The following DOCK8 variants were observed in gnomAD, a reference collection of about 807,000 sequenced individuals.
DOCK8 encodes the protein dedicator of cytokinesis 8, also known as dedicator of cytokinesis protein 8.
DOCK8 carries 141 observed loss-of-function variants against 245.6 expected under a neutral mutation model. That is an observed-to-expected ratio of 0.57 (90% CI 0.50 to 0.66). The LOEUF (loss-of-function observed/expected upper bound fraction) is 0.66. DOCK8 is among the 30% of genes least tolerant of loss of function. The pLI is 0.00. For missense variants in DOCK8, 2,965 were observed against 2,603.4 expected, an observed-to-expected ratio of 1.14 and a Z score of -3.02; for synonymous variants, 1,168 against 970.2, an observed-to-expected ratio of 1.20 and a Z score of -3.79.
At chr9:404,427 T>G (rs532700430) in intron 26 of DOCK8, among the ~76,000 whole-genome samples, 61 of 152,210 alleles carry the variant, frequency 4.0e-4, no homozygotes, top group Non-Finnish European at 7.6e-4. Context: ...GATGCCTTTC[T>G]CTAGGGAACT....
intron 24 of DOCK8, 69 bp downstream of exon 24, chr9:390,635 CA>C (rs1258334986): frequency 3.3e-6 from 5 of 1,493,864 alleles, no homozygotes; most frequent in Non-Finnish European, 3.7e-6. Flanking sequence ...AAGGAATTGA[CA>C]TTTTGTTCAC....
intron 39 of DOCK8, among the ~76,000 whole-genome samples, chr9:436,079 C>T (rs2056890695): frequency 6.6e-6 from 1 of 152,226 alleles, no homozygotes; most frequent in African/African-American, 2.4e-5. Context: ...AGTAGCTTCC[C>T]CAGGCTTAGA....
intron 17 of DOCK8, 79 bp downstream of exon 17, chr9:371,645 T>C: frequency 1.3e-6 from 2 of 1,582,324 alleles, no homozygotes; most frequent in Non-Finnish European, 1.7e-6. Flanking sequence ...ACAACCAAAT[T>C]CTATTCACTT....
chr9:402,851 C>T (rs2055176704), intron 26 of DOCK8, among the ~76,000 whole-genome samples: 2 of 152,162 alleles, frequency 1.3e-5, no homozygotes, highest in African/African-American at 4.8e-5. Context: ...ATGCACCTTA[C>T]TCCTCTTTTC....
At chr9:425,350 G>C (rs761872588) in intron 33 of DOCK8, among the ~76,000 whole-genome samples, 5 of 152,050 alleles carry the variant, frequency 3.3e-5, no homozygotes, top group Admixed American at 1.3e-4. Flanking sequence ...GGCTAACGCG[G>C]CGAAACCCCG....
chr9:243,867 T>G (rs1412346811), intron 1 of DOCK8, among the ~76,000 whole-genome samples: 1 of 152,056 alleles, frequency 6.6e-6, no homozygotes, highest in African/African-American at 2.4e-5. Flanking sequence ...TGCCTACTAC[T>G]CCTCATCTTA....
At position 271,450 on chromosome 9, in the gene DOCK8, T is replaced by G. The variant is rs148129664; in HGVS notation, c.54-177T>G. Among the ~76,000 whole-genome samples, 525 of 152,278 alleles carry G rather than the reference T, an allele frequency of 3.4e-3. 5 individuals carry two copies. The highest frequency in any genetic ancestry group is 0.012 in the African/African-American group (499 of 41,564). On this transcript the variant is annotated intron_variant, in intron 1 of 47. Transcript: ENST00000432829. ...TCTGTGAACTTCTCAAGGGTATGTA[T>G]TATCTGACAAAAACTACGATGTCCA...
At chr9:340,509 A>G (rs1053585860) in intron 14 of DOCK8, 188 bp downstream of exon 14, 1 of 678,672 alleles carries the variant, frequency 1.5e-6, no homozygotes, top group African/African-American at 1.8e-5. Context: ...TAATCCCAGC[A>G]ACTTGGCAGG....
intron 1 of DOCK8, among the ~76,000 whole-genome samples, chr9:260,500 G>A (rs1001369667): frequency 7.9e-5 from 12 of 152,086 alleles, no homozygotes; most frequent in African/African-American, 1.9e-4. Context: ...TCTTTATATC[G>A]CTGCTTAGAG....
chr9:310,967 T>C (rs1563908215), intron 5 of DOCK8, among the ~76,000 whole-genome samples: 1 of 152,086 alleles, frequency 6.6e-6, no homozygotes, highest in African/African-American at 2.4e-5. Context: ...TGTGATCATA[T>C]TAGATAGCAG....
rs7028446 is a variant in DOCK8, at chr9:377,428, T to C, written c.2440+217T>C. ...CATTAAAATAGGGTTCTTAATATTA[T>C]AGCTTTTTGTAAACTTTATTAAATG... On this transcript the variant is annotated intron_variant, in intron 20 of 47. Coordinates refer to ENST00000432829, the MANE Select transcript of DOCK8 (RefSeq NM_203447.4). 0.55 allele frequency among the ~76,000 whole-genome samples: 83,530 copies of C among 152,034 alleles called. 25,013 individuals are homozygous for C. Among genetic ancestry groups the C allele is most frequent in the East Asian group, 0.8 (4,154 of 5,178 alleles).
At chr9:256,826 C>A (rs578067951) in intron 1 of DOCK8, among the ~76,000 whole-genome samples, 4 of 149,984 alleles carry the variant, frequency 2.7e-5, no homozygotes, top group African/African-American at 1.0e-4. Context: ...CTTTTGTCTG[C>A]TTTCCTCATT....
chr9:400,953 C>CCACCTCCACCACCTCCTCCACCAT (rs2055023192), intron 26 of DOCK8, among the ~76,000 whole-genome samples: 1 of 67,980 alleles, frequency 1.5e-5, no homozygotes, highest in East Asian at 3.2e-4. Flanking sequence ...ACCATCACCA[C>CCACCTCCACCACCTCCTCCACCAT]CACCACCACC....
intron 22 of DOCK8, among the ~76,000 whole-genome samples, chr9:383,880 A>G (rs1381861642): frequency 6.6e-6 from 1 of 152,146 alleles, no homozygotes; most frequent in East Asian, 1.9e-4. Flanking sequence ...ACGGAATTAT[A>G]TACTCTATAC....
rs1368166027 is a variant in DOCK8, at chr9:371,501, A to C, written c.1942A>C (p.Thr648Pro). The change falls in exon 17 of 48, where the codon ACC becomes CCC. Residue 648 changes from threonine to proline, a missense_variant. Thr to Pro is a conservative substitution (Grantham distance 38, BLOSUM62 -1). Coordinates refer to ENST00000432829, the MANE Select transcript of DOCK8 (RefSeq NM_203447.4). The stretch of plus-strand genomic sequence containing the variant: ...CACAGTAAATCACCACCTCCTGTTC[A>C]CCTTCTACCATATCAGCTGTCAGCA... Reference protein sequence around the residue: ...KLTVNHHLLFTFYHISCQQKQ... With the variant: ...KLTVNHHLLFPFYHISCQQKQ... 6.2e-7 allele frequency: 1 copy of C among 1,614,212 alleles called. No individual in the cohort carries two copies. Among genetic ancestry groups the C allele is most frequent in the Non-Finnish European group, 8.5e-7 (1 of 1,180,022 alleles).
At chr9:232,414 A>G (rs2047137852) in intron 1 of DOCK8, among the ~76,000 whole-genome samples, 1 of 152,194 alleles carries the variant, frequency 6.6e-6, no homozygotes, top group African/African-American at 2.4e-5. Context: ...GCCTCATCAA[A>G]TGAGTTAGGG....
At chr9:377,331 T>G in intron 20 of DOCK8, 120 bp downstream of exon 20, 1 of 1,026,920 alleles carries the variant, frequency 9.7e-7, no homozygotes, top group Non-Finnish European at 1.4e-6. Flanking sequence ...ACTGATGATG[T>G]GTGCTCAAGG....
intron 33 of DOCK8, among the ~76,000 whole-genome samples, chr9:422,644 A>G (rs912838260): frequency 2.6e-5 from 4 of 152,224 alleles, no homozygotes; most frequent in Non-Finnish European, 4.4e-5. Flanking sequence ...TCTTAATGAC[A>G]TGGGGAAATG....
chr9:425,899 C>G (rs1162265979), intron 33 of DOCK8, among the ~76,000 whole-genome samples: 1 of 151,898 alleles, frequency 6.6e-6, no homozygotes, highest in Non-Finnish European at 1.5e-5. Context: ...CACAGAAGTA[C>G]TTATTTTTTG....
Sources: allele counts gnomAD v4.1 joint callset (sites outside exome capture counted in the v4.1 genomes callset), GRCh38; gene constraint gnomAD v4.1.1; transcripts MANE v1.5; gene names NCBI Gene and HGNC (gene_info 2026-07-23, HGNC 2026-07-21).